The following TANGO6 variants were observed in gnomAD, a reference collection of about 807,000 sequenced individuals.
The protein encoded by TANGO6 is transport and Golgi organization protein 6 homolog.
A neutral mutation model predicts 114.2 loss-of-function variants in TANGO6; 90 were observed. That is an observed-to-expected ratio of 0.79 (90% CI 0.66 to 0.94). The LOEUF is 0.94. Ranked by LOEUF, TANGO6 falls within the 40% of genes least tolerant of loss-of-function variation. The pLI is 0.00. For synonymous variants in TANGO6, 477 were observed against 509.8 expected (o/e 0.94, Z 0.87); for missense variants, 1,274 against 1,315.3 (o/e 0.97, Z 0.49).
At chr16:68,886,237 CAG>C (rs1962537494) in intron 7 of TANGO6, among the ~76,000 whole-genome samples, 2 of 150,334 alleles carry the variant, frequency 1.3e-5, no homozygotes, top group Admixed American at 1.3e-4. Context: ...TTTTCTGAGA[CAG>C]AGTCTTGCTC....
intron 14 of TANGO6, among the ~76,000 whole-genome samples, chr16:68,954,404 GT>G (rs1963505833): frequency 1.3e-5 from 2 of 152,154 alleles, no homozygotes. Context: ...GCATGGGTGA[GT>G]GGGTTTGGAG....
intron 17 of TANGO6, among the ~76,000 whole-genome samples, chr16:69,066,414 C>T (rs1190640905): frequency 6.6e-6 from 1 of 152,184 alleles, no homozygotes; most frequent in Non-Finnish European, 1.5e-5. Context: ...CTGGCCTCAG[C>T]TTCCCAAGTA....
intron 17 of TANGO6, among the ~76,000 whole-genome samples, chr16:69,042,948 G>A (rs1289800080): frequency 6.6e-6 from 1 of 152,178 alleles, no homozygotes; most frequent in East Asian, 1.9e-4. Context: ...AGTTGGTCGG[G>A]TGCAGTGGCT....
At chr16:68,937,892 A>G (rs1330224279) in intron 14 of TANGO6, among the ~76,000 whole-genome samples, 3 of 152,180 alleles carry the variant, frequency 2.0e-5, no homozygotes, top group African/African-American at 7.2e-5. Context: ...TGTTGTTAGG[A>G]ACATTTGTGT....
intron 15 of TANGO6, among the ~76,000 whole-genome samples, chr16:69,003,134 C>G (rs543208129): frequency 6.6e-6 from 1 of 152,106 alleles, no homozygotes. Flanking sequence ...TTTTTTCCCC[C>G]CTCAAAGGTA....
chr16:68,925,591 G>A (rs1195447487), intron 12 of TANGO6, among the ~76,000 whole-genome samples: 1 of 151,858 alleles, frequency 6.6e-6, no homozygotes, highest in African/African-American at 2.4e-5. Flanking sequence ...AGTTTCTTTT[G>A]CAGAGCAGAC....
At chr16:68,901,978 AGAT>A (rs1962791023) in intron 8 of TANGO6, among the ~76,000 whole-genome samples, 1 of 151,384 alleles carries the variant, frequency 6.6e-6, no homozygotes, top group African/African-American at 2.4e-5. Context: ...TGCTGAGAGT[AGAT>A]GATTTTTATC....
chr16:68,967,487 T>G (rs1963657796), intron 14 of TANGO6, among the ~76,000 whole-genome samples: 2 of 152,144 alleles, frequency 1.3e-5, no homozygotes, highest in African/African-American at 4.8e-5. Flanking sequence ...GACCCCTGTT[T>G]TAGAATGTTG....
At chr16:69,016,351 T>C (rs1480168431) in intron 15 of TANGO6, among the ~76,000 whole-genome samples, 1 of 151,950 alleles carries the variant, frequency 6.6e-6, no homozygotes, top group Non-Finnish European at 1.5e-5. Flanking sequence ...TGAGCCGAGA[T>C]TGCGCTGTTG....
At chr16:68,890,415 T>C (rs1962595982) in intron 7 of TANGO6, among the ~76,000 whole-genome samples, 1 of 152,216 alleles carries the variant, frequency 6.6e-6, no homozygotes, top group Admixed American at 6.5e-5. Context: ...GCGACTGAAA[T>C]GTCTTATCCA....
intron 15 of TANGO6, among the ~76,000 whole-genome samples, chr16:68,999,001 G>A (rs895402000): frequency 7.9e-5 from 12 of 151,822 alleles, no homozygotes; most frequent in African/African-American, 2.9e-4. Context: ...TCCCACCTCA[G>A]CCTCTTGAGT....
chr16:68,948,042 T>TATATATATATATATA, intron 14 of TANGO6, among the ~76,000 whole-genome samples: 1 of 151,772 alleles, frequency 6.6e-6, no homozygotes, highest in African/African-American at 2.4e-5. Context: ...TATATATATA[T>TATATATATATATATA]GATGCCTTCT....
intron 1 of TANGO6, among the ~76,000 whole-genome samples, chr16:68,855,451 A>G (rs1273553035): frequency 1.3e-5 from 2 of 151,098 alleles, no homozygotes; most frequent in African/African-American, 4.9e-5. Flanking sequence ...GTGTGGTGGC[A>G]TGCGCCTGTA....
intron 15 of TANGO6, among the ~76,000 whole-genome samples, chr16:68,995,802 AT>A (rs1322482325): frequency 1.3e-5 from 2 of 152,198 alleles, no homozygotes; most frequent in Admixed American, 1.3e-4. Context: ...GGACCTTGAA[AT>A]GTCAGAGATG....
intron 16 of TANGO6, 68 bp from the exon 17 acceptor site, chr16:69,040,240 A>T (rs902378271): frequency 8.9e-6 from 12 of 1,346,268 alleles, no homozygotes; most frequent in Non-Finnish European, 1.2e-5. Flanking sequence ...AGTGGAACAC[A>T]GTTGAAAGGT....
intron 4 of TANGO6, among the ~76,000 whole-genome samples, chr16:68,872,884 G>A (rs1398463979): frequency 6.6e-6 from 1 of 151,258 alleles, no homozygotes; most frequent in Non-Finnish European, 1.5e-5. Flanking sequence ...TAAATTTTTA[G>A]TAGAGATGGG....
intron 7 of TANGO6, among the ~76,000 whole-genome samples, chr16:68,888,132 G>A (rs911887709): frequency 9.9e-5 from 15 of 152,134 alleles, no homozygotes; most frequent in Non-Finnish European, 2.2e-4. Context: ...CTGCATAAAT[G>A]ATTCTCACTT....
intron 15 of TANGO6, among the ~76,000 whole-genome samples, chr16:69,001,979 A>G (rs1220346277): frequency 6.6e-6 from 1 of 152,176 alleles, no homozygotes; most frequent in Non-Finnish European, 1.5e-5. Flanking sequence ...TCATAATGCA[A>G]AATAATTTCT....
At chr16:69,047,218 C>T (rs568837856) in intron 17 of TANGO6, among the ~76,000 whole-genome samples, 18 of 139,352 alleles carry the variant, frequency 1.3e-4, no homozygotes, top group East Asian at 4.3e-4. Context: ...AGGCTGGGCG[C>T]GGTGTCTCAC....
Sources: gnomAD v4.1 joint callset for allele counts (sites outside exome capture counted in the v4.1 genomes callset) on GRCh38, gnomAD v4.1.1 for gene constraint, MANE v1.5 for transcripts, NCBI Gene and HGNC (gene_info 2026-07-23, HGNC 2026-07-21) for gene names.